The following FBXW2 variants were observed in gnomAD, a reference collection of about 807,000 sequenced individuals.
FBXW2 encodes F-box and WD repeat domain containing 2, also known as F-box/WD repeat-containing protein 2.
Under a neutral mutation model 46.0 loss-of-function variants are expected in FBXW2, and 12 were observed. That is an observed-to-expected ratio of 0.26 (90% CI 0.17 to 0.42). The LOEUF is 0.42. Ranked by LOEUF, FBXW2 falls within the 10% of genes least tolerant of loss-of-function variation. The pLI is 1.00. For synonymous variants in FBXW2, 203 were observed against 209.6 expected (o/e 0.97, Z 0.27); for missense variants, 360 against 537.0 (o/e 0.67, Z 3.26).
At chr9:120,791,040 A>AT (rs960267747) in intron 2 of FBXW2, among the ~76,000 whole-genome samples, 2 of 152,158 alleles carry the variant, frequency 1.3e-5, no homozygotes, top group Non-Finnish European at 2.9e-5. Context: ...TGAAAAAGGC[A>AT]TTTTTTTCCC....
intron 3 of FBXW2, among the ~76,000 whole-genome samples, chr9:120,779,530 C>T (rs1208323545): frequency 6.6e-6 from 1 of 152,192 alleles, no homozygotes; most frequent in Non-Finnish European, 1.5e-5. Flanking sequence ...CCTGGGAAAA[C>T]TATGATAGCA....
At chr9:120,786,591 T>C (rs772777257) in intron 3 of FBXW2, among the ~76,000 whole-genome samples, 19 of 152,214 alleles carry the variant, frequency 1.2e-4, no homozygotes, top group Non-Finnish European at 2.6e-4. Flanking sequence ...AAATAATGAC[T>C]ATTGATATAT....
chr9:120,771,816 T>G (rs1428529925), intron 6 of FBXW2, among the ~76,000 whole-genome samples: 1 of 152,152 alleles, frequency 6.6e-6, no homozygotes, highest in South Asian at 2.1e-4. Flanking sequence ...CCCAGCACTT[T>G]GGGAGGCCTA....
Position 120,772,763 on chromosome 9 carries a change from A to G in FBXW2, c.897T>C (p.Tyr299=), listed in dbSNP as rs748913452. 1.2e-5 allele frequency: 19 copies of G among 1,560,570 alleles called. No individual in the cohort carries two copies. In the East Asian group the frequency reaches 3.1e-4, roughly 25 times the overall value. ...GDYILLSADK[Y]EIKIWPIGRE... Reference sequence around the variant, plus strand: ...GGAGAAAAAAACTCACCTTAATCTCATATTTGTCTGCACTTAAGAGGATGT... The same window carrying G: ...GGAGAAAAAAACTCACCTTAATCTCGTATTTGTCTGCACTTAAGAGGATGT... Residue 299 remains tyrosine, a synonymous_variant, in exon 6 of 8, where the codon TAT becomes TAC. Transcript: ENST00000608872.
chr9:120,765,868 TCA>T (rs1457296508), intron 7 of FBXW2, among the ~76,000 whole-genome samples: 2 of 152,218 alleles, frequency 1.3e-5, no homozygotes, highest in East Asian at 3.9e-4. Context: ...CCTAACTTTC[TCA>T]GAGGCAGTTT....
At chr9:120,766,444 CAT>C (rs1412112236) in intron 7 of FBXW2, among the ~76,000 whole-genome samples, 1 of 152,116 alleles carries the variant, frequency 6.6e-6, no homozygotes, top group African/African-American at 2.4e-5. Flanking sequence ...TCATAATTAA[CAT>C]GTTATCTTTT....
At position 120,768,400 on chromosome 9, in the gene FBXW2, G is replaced by C. The variant is rs139676347; in HGVS notation, c.1076+2948C>G. Among the ~76,000 whole-genome samples the C allele has an allele frequency of 2.6e-3, 400 of 152,296 alleles. 3 individuals are homozygous for C. Among genetic ancestry groups the C allele is most frequent in the Middle Eastern group, 0.017 (5 of 294 alleles). On this transcript the variant is annotated intron_variant, in intron 7 of 7. Coordinates refer to ENST00000608872, the MANE Select transcript of FBXW2 (RefSeq NM_012164.4). ...CTGATCGGTAATTTCCCTGAGTTTGGTAAGTACTTCTGCTGTTTCCCAATG... is the reference window on the plus strand; with the variant it reads ...CTGATCGGTAATTTCCCTGAGTTTGCTAAGTACTTCTGCTGTTTCCCAATG...
At chr9:120,765,777 T>C (rs1015584816) in intron 7 of FBXW2, among the ~76,000 whole-genome samples, 1 of 151,988 alleles carries the variant, frequency 6.6e-6, no homozygotes, top group Non-Finnish European at 1.5e-5. Flanking sequence ...TAATAATAGA[T>C]TCATAAAAAG....
intron 2 of FBXW2, among the ~76,000 whole-genome samples, chr9:120,790,148 T>C (rs903081916): frequency 1.3e-4 from 20 of 152,226 alleles, no homozygotes; most frequent in African/African-American, 4.8e-4. Flanking sequence ...ATCTGCATAT[T>C]GTCACAATAG....
chr9:120,766,985 G>A (rs1362427543), intron 7 of FBXW2, among the ~76,000 whole-genome samples: 1 of 152,192 alleles, frequency 6.6e-6, no homozygotes, highest in Non-Finnish European at 1.5e-5. Flanking sequence ...AACTGCCAGA[G>A]TATGTGAGAA....
At chr9:120,773,731 T>C (rs1188028063) in intron 5 of FBXW2, among the ~76,000 whole-genome samples, 2 of 152,236 alleles carry the variant, frequency 1.3e-5, no homozygotes, top group Non-Finnish European at 2.9e-5. Context: ...TGCTGGGTGC[T>C]GTCCCAACAT....
Position 120,789,324 on chromosome 9 carries a change from T to C in FBXW2, c.-20-1046A>G, listed in dbSNP as rs2044786122. Among the ~76,000 whole-genome samples the C allele has an allele frequency of 3.3e-5, 5 of 152,172 alleles. 1 individual carries two copies. The highest frequency in any genetic ancestry group is 3.3e-4 in the Admixed American group (5 of 15,276). Reference sequence around the variant, plus strand: ...TGTGTCTACCCGTTAGACCATTTTCTCCTTTAGGAGAATGACAAATTGCTC... The same window carrying C: ...TGTGTCTACCCGTTAGACCATTTTCCCCTTTAGGAGAATGACAAATTGCTC... On this transcript the variant is annotated intron_variant, in intron 2 of 7. Coordinates refer to ENST00000608872, the MANE Select transcript of FBXW2 (RefSeq NM_012164.4).
intron 2 of FBXW2, chr9:120,792,923 T>C (rs1462331287): frequency 2.0e-6 from 3 of 1,529,684 alleles, no homozygotes; most frequent in Non-Finnish European, 2.6e-6. Context: ...TGGCGCAGTA[T>C]AGCGCTTTGT....
intron 7 of FBXW2, among the ~76,000 whole-genome samples, chr9:120,765,469 A>G (rs1210003669): frequency 6.6e-6 from 1 of 152,162 alleles, no homozygotes; most frequent in African/African-American, 2.4e-5. Context: ...TAACTAAACA[A>G]TCTATTTTTA....
chr9:120,781,051 C>T (rs1415673098), intron 3 of FBXW2, among the ~76,000 whole-genome samples: 1 of 151,618 alleles, frequency 6.6e-6, no homozygotes, highest in Admixed American at 6.6e-5. Flanking sequence ...AAAAAAAAAC[C>T]TTTAAGTTTT....
intron 5 of FBXW2, 130 bp downstream of exon 5, chr9:120,775,963 C>T (rs552674094): frequency 9.2e-7 from 1 of 1,084,900 alleles, no homozygotes. Flanking sequence ...CTGTTGTGTA[C>T]CATTATGCTT....
chr9:120,784,293 T>C (rs76070175), intron 3 of FBXW2, among the ~76,000 whole-genome samples: 3 of 152,090 alleles, frequency 2.0e-5, no homozygotes, highest in Non-Finnish European at 4.4e-5. Flanking sequence ...AAAATAAGGT[T>C]TGATGAGAGA....
chr9:120,789,715 G>T (rs1463516609), intron 2 of FBXW2, among the ~76,000 whole-genome samples: 1 of 152,134 alleles, frequency 6.6e-6, no homozygotes, highest in East Asian at 1.9e-4. Context: ...TACACAAAAA[G>T]CAAGATCTCA....
intron 6 of FBXW2, among the ~76,000 whole-genome samples, chr9:120,772,391 G>A (rs554929441): frequency 6.6e-6 from 1 of 152,166 alleles, no homozygotes; most frequent in East Asian, 1.9e-4. Flanking sequence ...TACTCGGTAG[G>A]CTGAGGCAGG....
Sources: gnomAD v4.1 joint callset for allele counts (sites outside exome capture counted in the v4.1 genomes callset) on GRCh38, gnomAD v4.1.1 for gene constraint, MANE v1.5 for transcripts, NCBI Gene and HGNC (gene_info 2026-07-23, HGNC 2026-07-21) for gene names.